Variants in PUS10 observed in about 807,000 individuals in gnomAD.
PUS10 encodes tRNA pseudouridine synthase Pus10.
PUS10 carries 59 observed loss-of-function variants against 75.0 expected under a neutral mutation model. The observed-to-expected ratio is 0.79, with a 90% CI of 0.64 to 0.98. The LOEUF is 0.98. PUS10 is among the 50% of genes least tolerant of loss of function. PUS10 has a pLI of 0.00. For synonymous variants in PUS10, 219 were observed against 211.6 expected, an observed-to-expected ratio of 1.03 and a Z score of -0.30; for missense variants, 650 against 614.4, an observed-to-expected ratio of 1.06 and a Z score of -0.61.
intron 1 of PUS10, among the ~76,000 whole-genome samples, chr2:61,016,783 C>T (rs1248276492): frequency 1.3e-5 from 2 of 152,142 alleles, no homozygotes; most frequent in East Asian, 3.9e-4. Flanking sequence ...GAAAAACTAG[C>T]GAAATGACCA....
In PUS10 at chr2:61,008,845, A is replaced by G. The variant is rs769577927; in HGVS notation, c.297T>C (p.Thr99=). The G allele has an allele frequency of 6.2e-7, 1 of 1,612,660 alleles. No individual in the cohort carries two copies. The highest frequency in any genetic ancestry group is 1.3e-5 in the African/African-American group (1 of 75,030). Residue 99 remains threonine, a synonymous_variant, in exon 3 of 18, where the codon ACT becomes ACC. Transcript: ENST00000316752. ...CATTTAAATTTGAGTTCTTGGAAGCAGTGCTTCCAACATGACTAACAGAGA... is the reference window on the plus strand; with the variant it reads ...CATTTAAATTTGAGTTCTTGGAAGCGGTGCTTCCAACATGACTAACAGAGA... ...GRISVSHVGS[T]ASKNSNLNVC...
At chr2:60,992,736 C>T (rs1387485341) in intron 4 of PUS10, among the ~76,000 whole-genome samples, 1 of 151,868 alleles carries the variant, frequency 6.6e-6, no homozygotes, top group Non-Finnish European at 1.5e-5. Flanking sequence ...TAAATAAAAT[C>T]CATTTTATTT....
rs915669796 is a variant in PUS10, at chr2:60,952,110, C to T, written c.1308+887G>A. On this transcript the variant is annotated intron_variant, in intron 15 of 17. Transcript: ENST00000316752. ...CAGCACTTTGGGAGGCTGGGGCAGG[C>T]GGATGACAAGGTCAGGAGTTTGAGA... is the stretch of plus-strand genomic sequence containing the variant. 4.6e-5 allele frequency among the ~76,000 whole-genome samples: 7 copies of T among 152,098 alleles called. No individual in the cohort carries two copies. In the East Asian group the frequency reaches 5.8e-4, roughly 13 times the overall value.
chr2:61,009,363 T>C lies in PUS10; in HGVS notation c.127-348A>G, dbSNP rs1679454629. On this transcript the variant is annotated intron_variant, in intron 2 of 17. Coordinates refer to ENST00000316752, the MANE Select transcript of PUS10 (RefSeq NM_144709.4). ...TGCTAATTTCAGTAAAAACAAACTT[T>C]AGTTCTAATGATTAACATATAAAAA... Among the ~76,000 whole-genome samples, 5 of 152,210 alleles carry C rather than the reference T, an allele frequency of 3.3e-5. No individual in the cohort carries two copies. The South Asian group carries it at 1.0e-3, about 31-fold the overall frequency.
chr2:60,945,212 A>G lies in PUS10; in HGVS notation c.1452-104T>C, dbSNP rs181295352. On this transcript the variant is annotated intron_variant, in intron 16 of 17. Coordinates refer to ENST00000316752, the MANE Select transcript of PUS10 (RefSeq NM_144709.4). ...ATAAGAGCAGAAATGTTACAAAAGA[A>G]AGGTTACTTCTGAGCTCTGACTTGT... 7.7e-5 allele frequency: 58 copies of G among 751,424 alleles called. No individual in the cohort carries two copies. In the African/African-American group the frequency reaches 9.9e-4, roughly 13 times the overall value. 46.5% of individuals were successfully genotyped at this position (751,424 alleles called of 1,614,324 possible). A position where few individuals can be genotyped will look rare whatever the true frequency, so the allele number is the denominator to read the frequency against.
rs756956870 is a variant in PUS10 at position 60,962,820 on chromosome 2, A to G, written c.788+6T>C. 6.3e-7 allele frequency: 1 copy of G among 1,581,812 alleles called. No homozygotes were observed. The highest frequency in any genetic ancestry group is 1.2e-5 in the South Asian group (1 of 86,762). On this transcript the variant is annotated splice_donor_region_variant and intron_variant, in intron 9 of 17. Coordinates refer to ENST00000316752, the MANE Select transcript of PUS10 (RefSeq NM_144709.4). ...GATGCTTCTTTGTTTCTAAACTTCT[A>G]CTTACTTAAGGAAATCCTCTTCCTT...
Position 60,953,040 on chromosome 2 carries a change from T to G in PUS10, c.1265A>C (p.Lys422Thr). Residue 422 changes from lysine (K) to threonine (T), a missense_variant, in exon 15 of 18, where the codon AAA becomes ACA. Transcript: ENST00000316752. Reference sequence around the variant, plus strand: ...TTCAATGTCTTTCTTCTGTATCGCTTTATTTGTCCAAATTAAGGCACTGTA... The same window carrying G: ...TTCAATGTCTTTCTTCTGTATCGCTGTATTTGTCCAAATTAAGGCACTGTA... ...KTYSALIWTN[K>T]AIQKKDIEFL... is the part of the protein sequence containing the mutation. The G allele has an allele frequency of 6.2e-7, 1 of 1,604,674 alleles. No individual in the cohort carries two copies. Among genetic ancestry groups the G allele is most frequent in the Non-Finnish European group, 8.5e-7 (1 of 1,171,310 alleles).
intron 4 of PUS10, among the ~76,000 whole-genome samples, chr2:60,992,012 CTT>C (rs56885280): frequency 4.5e-4 from 62 of 138,228 alleles, no homozygotes; most frequent in Middle Eastern, 3.7e-3. Context: ...AACAGAAGCA[CTT>C]TTTTTTTTTT....
At chr2:61,003,360 G>T (rs1678976519) in intron 4 of PUS10, among the ~76,000 whole-genome samples, 1 of 151,602 alleles carries the variant, frequency 6.6e-6, no homozygotes, top group African/African-American at 2.4e-5. Flanking sequence ...TACTCGTGAG[G>T]CTGAGGCAGG....
chr2:60,953,829 G>C (rs1254292784), intron 14 of PUS10, 104 bp downstream of exon 14: 5 of 843,304 alleles, frequency 5.9e-6, no homozygotes, highest in Non-Finnish European at 9.9e-6. Flanking sequence ...TAGTTGTGTT[G>C]TTAAGAGTTC....
chr2:60,977,637 T>C (rs1210418643), intron 4 of PUS10, among the ~76,000 whole-genome samples: 2 of 152,240 alleles, frequency 1.3e-5, no homozygotes, highest in African/African-American at 2.4e-5. Flanking sequence ...TGGGAAAGTA[T>C]ACTGTGAGAA....
At chr2:61,006,884 A>G (rs1679247040) in intron 3 of PUS10, among the ~76,000 whole-genome samples, 1 of 152,220 alleles carries the variant, frequency 6.6e-6, no homozygotes, top group Non-Finnish European at 1.5e-5. Flanking sequence ...TAAACTGTTA[A>G]GTGTCAAAAT....
chr2:60,948,003 T>C (rs1219195600), intron 16 of PUS10, 40 bp downstream of exon 16: 3 of 1,611,590 alleles, frequency 1.9e-6, no homozygotes, highest in East Asian at 4.5e-5. Context: ...TCCAATAGAG[T>C]TCTGGTTCGA....
At chr2:60,991,067 C>T (rs901121242) in intron 4 of PUS10, among the ~76,000 whole-genome samples, 7 of 151,998 alleles carry the variant, frequency 4.6e-5, no homozygotes, top group East Asian at 3.9e-4. Flanking sequence ...TTTGTAGAGA[C>T]GGAGTCTCTC....
chr2:60,970,707 A>T (rs1676607330), intron 5 of PUS10, among the ~76,000 whole-genome samples: 1 of 152,204 alleles, frequency 6.6e-6, no homozygotes, highest in Non-Finnish European at 1.5e-5. Context: ...ATCACATTTT[A>T]AAAATCCAAA....
chr2:60,989,504 A>G (rs1473042977), intron 4 of PUS10, among the ~76,000 whole-genome samples: 1 of 152,230 alleles, frequency 6.6e-6, no homozygotes, highest in Non-Finnish European at 1.5e-5. Context: ...AGATTGCTAG[A>G]TAGGAGACTG....
At chr2:60,988,183 T>G (rs1413204713) in intron 4 of PUS10, among the ~76,000 whole-genome samples, 2 of 152,160 alleles carry the variant, frequency 1.3e-5, no homozygotes, top group Non-Finnish European at 2.9e-5. Flanking sequence ...ATTAAATACA[T>G]TATGAGAATA....
At chr2:60,994,384 CA>C (rs35312310) in intron 4 of PUS10, among the ~76,000 whole-genome samples, 242 of 136,132 alleles carry the variant, frequency 1.8e-3, no homozygotes, top group Middle Eastern at 3.5e-3. Context: ...TTCCTCAGAG[CA>C]AAAAAAAAAA....
intron 4 of PUS10, among the ~76,000 whole-genome samples, chr2:60,981,889 T>A (rs1245958621): frequency 6.6e-6 from 1 of 152,138 alleles, no homozygotes; most frequent in African/African-American, 2.4e-5. Flanking sequence ...ACTTTTGACC[T>A]CGTGAACCCC....
Sources: gnomAD v4.1 joint callset for allele counts (sites outside exome capture counted in the v4.1 genomes callset) on GRCh38, gnomAD v4.1.1 for gene constraint, MANE v1.5 for transcripts, NCBI Gene and HGNC (gene_info 2026-07-23, HGNC 2026-07-21) for gene names.